The following PTPRN2 variants were observed in gnomAD, a reference collection of about 807,000 sequenced individuals.
PTPRN2 encodes protein tyrosine phosphatase receptor type N2, also known as receptor-type tyrosine-protein phosphatase N2.
In PTPRN2, 74 loss-of-function variants were observed where a neutral mutation model predicts 118.8. The ratio of observed to expected loss-of-function variants is 0.62; its 90% CI spans 0.52 to 0.76. The LOEUF (loss-of-function observed/expected upper bound fraction) is 0.76, where lower values mean the gene tolerates loss of function less well. Among genes scored for constraint, PTPRN2 ranks in the 30% least tolerant of loss-of-function variants. The pLI is 0.00. For missense variants in PTPRN2, 1,481 were observed against 1,394.4 expected, an observed-to-expected ratio of 1.06 and a Z score of -0.99; for synonymous variants, 641 against 608.0, an observed-to-expected ratio of 1.05 and a Z score of -0.80.
chr7:157,607,215 C>T (rs934176058), intron 15 of PTPRN2, among the ~76,000 whole-genome samples: 7 of 152,224 alleles, frequency 4.6e-5, no homozygotes, highest in African/African-American at 1.7e-4. Context: ...CATCTGAACA[C>T]CCCACACACA....
rs186314674 is a variant in PTPRN2, at chr7:157,583,650, A to G, written c.2497-5510T>C. 2.0e-3 allele frequency among the ~76,000 whole-genome samples: 297 copies of G among 152,290 alleles called. 1 individual carries two copies. Among genetic ancestry groups the G allele is most frequent in the Non-Finnish European group, 2.7e-3 (181 of 68,016 alleles). On this transcript the variant is annotated intron_variant, in intron 17 of 22. Transcript: ENST00000389418. The surrounding 1 kb of genome is among the most constrained non-coding windows in gnomAD (Gnocchi z 5.5). ...TCTAATCCCAGCACTTTGGGAGGCC[A>G]AGGCAGGCGAATCACTTGAGGTCAG...
rs1206255145 is a variant in PTPRN2, at chr7:158,124,564, C to T, written c.1556+9113G>A. Among the ~76,000 whole-genome samples the T allele has an allele frequency of 5.9e-5, 9 of 152,226 alleles. No individual in the cohort carries two copies. In the East Asian group the frequency reaches 1.7e-3, roughly 29 times the overall value. ...AATGGTTTGGCCAGATGCTCAGAGT[C>T]TTGAAGAAACATAATGGAAAATTGG... On this transcript the variant is annotated intron_variant, in intron 9 of 22. Coordinates refer to ENST00000389418, the MANE Select transcript of PTPRN2 (RefSeq NM_002847.5).
chr7:157,575,388 T>C (rs1444965796), intron 19 of PTPRN2, among the ~76,000 whole-genome samples: 1 of 152,244 alleles, frequency 6.6e-6, no homozygotes, highest in Non-Finnish European at 1.5e-5. Flanking sequence ...TAGGATGTAC[T>C]CAGGACTCTG....
chr7:158,327,642 G>A (rs13225172), intron 2 of PTPRN2, among the ~76,000 whole-genome samples: 49,609 of 152,174 alleles, frequency 0.33, 8,929 homozygotes, highest in Middle Eastern at 0.45. Context: ...GCCTGGGACC[G>A]CCATGCTCCA....
At chr7:158,095,300 A>G (rs1026935520) in intron 10 of PTPRN2, among the ~76,000 whole-genome samples, 2 of 151,238 alleles carry the variant, frequency 1.3e-5, no homozygotes, top group African/African-American at 4.9e-5. Context: ...CATAAGTAAA[A>G]TGCATATTTT....
At position 158,407,144 on chromosome 7, in the gene PTPRN2, C is replaced by CGTCCCGG. The variant is rs1813530910; in HGVS notation, c.163+82590_163+82591insCCGGGAC. Among the ~76,000 whole-genome samples, 4 of 111,586 alleles carry CGTCCCGG rather than the reference C, an allele frequency of 3.6e-5. 1 individual carries two copies. Among genetic ancestry groups the CGTCCCGG allele is most frequent in the Admixed American group, 1.9e-4 (2 of 10,550 alleles). 73.2% of individuals were successfully genotyped at this position (111,586 alleles called of 152,430 possible). On this transcript the variant is annotated intron_variant, in intron 2 of 22. Coordinates refer to ENST00000389418, the MANE Select transcript of PTPRN2 (RefSeq NM_002847.5). The stretch of plus-strand genomic sequence containing the variant: ...CCTGGGTCCTGGGTCCTGCGTCCTG[C>CGTCCCGG]GTCCTGGGTCCTGGGTCCTGGGTCC...
chr7:158,548,874 G>A (rs1284306203), intron 1 of PTPRN2, among the ~76,000 whole-genome samples: 1 of 152,200 alleles, frequency 6.6e-6, no homozygotes, highest in Admixed American at 6.5e-5. Context: ...CTCCACAAAG[G>A]AGAGGAACCG....
At position 157,879,579 on chromosome 7, in the gene PTPRN2, T is replaced by A. The variant is rs149455402; in HGVS notation, c.1788+19094A>T. ...TGCAGTAGCTGGGAGTTAACCGGCA[T>A]GAAATCATATTTTTTTTTTCCTTTA... On this transcript the variant is annotated intron_variant, in intron 12 of 22. Coordinates refer to ENST00000389418, the MANE Select transcript of PTPRN2 (RefSeq NM_002847.5). Among the ~76,000 whole-genome samples, 1,071 of 152,322 alleles carry A rather than the reference T, an allele frequency of 7.0e-3. 4 individuals carry two copies. Among genetic ancestry groups the A allele is most frequent in the Middle Eastern group, 0.014 (4 of 294 alleles).
At chr7:157,718,365 T>C (rs1563033688) in intron 12 of PTPRN2, among the ~76,000 whole-genome samples, 1 of 152,228 alleles carries the variant, frequency 6.6e-6, no homozygotes, top group Non-Finnish European at 1.5e-5. Flanking sequence ...AAGCACGGAC[T>C]TTCCTGGAGC....
chr7:158,587,622 C>A lies in PTPRN2; in HGVS notation c.48G>T (p.Pro16=). The A allele has an allele frequency of 7.3e-7, 1 of 1,360,596 alleles. No individual in the cohort carries two copies. The highest frequency in any genetic ancestry group is 9.4e-7 in the Non-Finnish European group (1 of 1,062,444). 84.3% of individuals were successfully genotyped at this position (1,360,596 alleles called of 1,614,324 possible). A position where few individuals can be genotyped will look rare whatever the true frequency, so the allele number is the denominator to read the frequency against. The change falls in exon 1 of 23, where the codon CCG becomes CCT. Residue 16 remains proline (P), a synonymous_variant. Coordinates refer to ENST00000389418, the MANE Select transcript of PTPRN2 (RefSeq NM_002847.5). ...AAGGGGCGGCAGGCAGGACGCGTGG[C>A]GGCAGCAGCAGCAGTAGCAGCAGCA... ...PLLLLLLLLL[P]PRVLPAAPSS...
intron 3 of PTPRN2, among the ~76,000 whole-genome samples, chr7:158,265,394 C>A (rs1051326210): frequency 5.9e-5 from 9 of 151,886 alleles, no homozygotes; most frequent in African/African-American, 1.9e-4. Flanking sequence ...AGGCAGGCAC[C>A]CACCTGCGGG....
chr7:157,820,511 A>G (rs1331220898), intron 12 of PTPRN2, among the ~76,000 whole-genome samples: 1 of 140,618 alleles, frequency 7.1e-6, no homozygotes, highest in Non-Finnish European at 1.5e-5. Context: ...CAACACACGC[A>G]TTCTTACACA....
intron 1 of PTPRN2, among the ~76,000 whole-genome samples, chr7:158,531,774 CCA>C (rs976304059): frequency 2.8e-4 from 42 of 152,322 alleles, no homozygotes; most frequent in African/African-American, 9.6e-4. Context: ...CCCTCACCCA[CCA>C]CCTGCCCTCT....
chr7:158,495,670 C>A (rs1468537831), intron 1 of PTPRN2, among the ~76,000 whole-genome samples: 1 of 152,198 alleles, frequency 6.6e-6, no homozygotes, highest in African/African-American at 2.4e-5. Flanking sequence ...ACCAGGGCGG[C>A]ATCCAGGCAG....
chr7:157,556,172 A>C (rs1488552642), intron 21 of PTPRN2, among the ~76,000 whole-genome samples: 1 of 152,158 alleles, frequency 6.6e-6, no homozygotes, highest in African/African-American at 2.4e-5. Context: ...CAGGGATGCC[A>C]CTTGGCACTG....
intron 12 of PTPRN2, among the ~76,000 whole-genome samples, chr7:157,716,726 A>G (rs113531619): frequency 1.9e-5 from 1 of 52,562 alleles, no homozygotes. Context: ...CTGCCTGGCC[A>G]CGTAGACTCT....
chr7:158,552,309 C>T (rs1204826687), intron 1 of PTPRN2, among the ~76,000 whole-genome samples: 3 of 148,390 alleles, frequency 2.0e-5, no homozygotes, highest in Admixed American at 1.3e-4. Flanking sequence ...CTCCTAACCA[C>T]ACCCCATTGG....
chr7:157,602,579 C>T (rs1341647573), intron 16 of PTPRN2, among the ~76,000 whole-genome samples: 2 of 151,764 alleles, frequency 1.3e-5, no homozygotes, highest in Admixed American at 6.6e-5. Flanking sequence ...GAGCACCCTC[C>T]ACCATCAGTG....
intron 12 of PTPRN2, among the ~76,000 whole-genome samples, chr7:157,725,376 C>G (rs1216817011): frequency 7.6e-5 from 5 of 66,072 alleles, no homozygotes; most frequent in Admixed American, 5.1e-4. Flanking sequence ...GCCAGACCCT[C>G]GCCTCCCAGG....
Sources: allele counts gnomAD v4.1 joint callset (sites outside exome capture counted in the v4.1 genomes callset), GRCh38; gene constraint gnomAD v4.1.1; non-coding constraint Gnocchi (gnomAD v3.1); transcripts MANE v1.5; gene names NCBI Gene and HGNC (gene_info 2026-07-23, HGNC 2026-07-21).